The following SDK1 variants were observed in gnomAD, a reference collection of about 807,000 sequenced individuals.
The protein encoded by SDK1 is sidekick cell adhesion molecule 1.
In SDK1, 157 loss-of-function variants were observed where a neutral mutation model predicts 245.5. The observed-to-expected ratio is 0.64, with a 90% CI of 0.56 to 0.73. The LOEUF is 0.73. Among genes scored for constraint, SDK1 ranks in the 30% least tolerant of loss-of-function variants. The pLI, the probability that SDK1 is intolerant of heterozygous loss-of-function variation, is 0.00. For missense variants in SDK1, 3,583 were observed against 3,002.3 expected (o/e 1.19, Z -4.52); for synonymous variants, 1,647 against 1,278.5 (o/e 1.29, Z -6.15).
chr7:3,751,013 A>G (rs1390585718), intron 4 of SDK1, among the ~76,000 whole-genome samples: 1 of 152,098 alleles, frequency 6.6e-6, no homozygotes, highest in Admixed American at 6.5e-5. Context: ...TTTCCTTCCC[A>G]AGAGTGGGCC....
At chr7:4,214,272 G>T (rs911206218) in intron 38 of SDK1, among the ~76,000 whole-genome samples, 1 of 152,228 alleles carries the variant, frequency 6.6e-6, no homozygotes, top group Admixed American at 6.5e-5. Flanking sequence ...GGGGCTTGAG[G>T]AGGATTCACT....
chr7:3,675,625 G>C (rs554247064), intron 4 of SDK1, among the ~76,000 whole-genome samples: 1 of 152,224 alleles, frequency 6.6e-6, no homozygotes, highest in South Asian at 2.1e-4. Context: ...CCAGGCTGGA[G>C]TATAGTAGCA....
At chr7:3,498,408 C>G (rs2128607271) in intron 1 of SDK1, among the ~76,000 whole-genome samples, 1 of 152,224 alleles carries the variant, frequency 6.6e-6, no homozygotes, top group East Asian at 1.9e-4. Flanking sequence ...CTTTTAGAGT[C>G]TTGGTTTTCT....
chr7:3,957,972 T>A (rs1781398645), intron 7 of SDK1: 1 of 470,744 alleles, frequency 2.1e-6, no homozygotes, highest in South Asian at 1.5e-5. Context: ...TCCAGAAACC[T>A]TCAGCCGCTT....
At chr7:4,143,654 G>A (rs903335335) in intron 28 of SDK1, among the ~76,000 whole-genome samples, 4 of 152,318 alleles carry the variant, frequency 2.6e-5, no homozygotes, top group East Asian at 3.9e-4. Context: ...ATGCTTCTGC[G>A]CAGTGGGCCC....
At chr7:3,400,268 T>C (rs1417727258) in intron 1 of SDK1, among the ~76,000 whole-genome samples, 1 of 152,146 alleles carries the variant, frequency 6.6e-6, no homozygotes, top group Non-Finnish European at 1.5e-5. Flanking sequence ...TCAGCAGCTT[T>C]CCTAAGATAA....
intron 44 of SDK1, among the ~76,000 whole-genome samples, chr7:4,259,376 A>G (rs150135715): frequency 0.038 from 5,735 of 152,344 alleles, 140 homozygotes; most frequent in East Asian, 0.12. Context: ...CAGAGGTTAC[A>G]GTGAGCCAAG....
intron 35 of SDK1, among the ~76,000 whole-genome samples, chr7:4,198,221 C>G (rs1039802940): frequency 1.3e-5 from 2 of 152,216 alleles, no homozygotes; most frequent in African/African-American, 4.8e-5. Context: ...GCGCCACCTT[C>G]TGCTAGCGGC....
intron 30 of SDK1, among the ~76,000 whole-genome samples, chr7:4,154,464 T>C (rs1780593828): frequency 6.6e-6 from 1 of 152,028 alleles, no homozygotes; most frequent in African/African-American, 2.4e-5. Context: ...ATTTGGGAGG[T>C]GAGGCATGGG....
chr7:3,736,457 T>C (rs950737835), intron 4 of SDK1, among the ~76,000 whole-genome samples: 2 of 152,108 alleles, frequency 1.3e-5, no homozygotes, highest in African/African-American at 4.8e-5. Flanking sequence ...CTATTTTTAG[T>C]AGAGATGGGT....
At chr7:3,963,698 T>C (rs112228201) in intron 9 of SDK1, among the ~76,000 whole-genome samples, 2 of 113,604 alleles carry the variant, frequency 1.8e-5, no homozygotes, top group South Asian at 3.6e-4. Context: ...ACACCCAGGC[T>C]CACAGCTACC....
intron 1 of SDK1, among the ~76,000 whole-genome samples, chr7:3,574,387 A>G (rs71527450): frequency 0.2 from 30,868 of 151,974 alleles, 3,552 homozygotes; most frequent in South Asian, 0.36. Context: ...AAGTGCTGGG[A>G]TTACAGGCAT....
chr7:4,050,630 A>G (rs1226120140), intron 18 of SDK1, among the ~76,000 whole-genome samples: 5 of 152,196 alleles, frequency 3.3e-5, no homozygotes. Context: ...GGTTGTGGAT[A>G]CAGTCTGTAT....
intron 14 of SDK1, among the ~76,000 whole-genome samples, chr7:3,993,257 G>A (rs918478638): frequency 2.0e-5 from 3 of 152,346 alleles, no homozygotes; most frequent in African/African-American, 7.2e-5. Flanking sequence ...CTGAGCCTCT[G>A]CGTGTTTTCC....
chr7:3,700,925 T>C (rs928688784), intron 4 of SDK1, among the ~76,000 whole-genome samples: 5 of 152,192 alleles, frequency 3.3e-5, no homozygotes, highest in African/African-American at 1.2e-4. Flanking sequence ...CTCTTAGTTT[T>C]TCTTCACTGA....
intron 17 of SDK1, among the ~76,000 whole-genome samples, chr7:4,022,213 A>G (rs1786948903): frequency 6.6e-6 from 1 of 152,226 alleles, no homozygotes; most frequent in African/African-American, 2.4e-5. Flanking sequence ...AATTATTGGA[A>G]TGTCTACAAA....
intron 35 of SDK1, among the ~76,000 whole-genome samples, chr7:4,200,361 G>C (rs1422207189): frequency 6.6e-6 from 1 of 152,236 alleles, no homozygotes; most frequent in Non-Finnish European, 1.5e-5. Context: ...GGATGTATCA[G>C]TCAGCTGTTA....
chr7:3,549,986 A>G (rs1056809438), intron 1 of SDK1, among the ~76,000 whole-genome samples: 5 of 152,184 alleles, frequency 3.3e-5, no homozygotes, highest in African/African-American at 9.7e-5. Flanking sequence ...TCTTAAAAAT[A>G]TATTTTAAGT....
chr7:4,192,332 G>A (rs1043915105), intron 35 of SDK1, among the ~76,000 whole-genome samples: 1 of 152,196 alleles, frequency 6.6e-6, no homozygotes, highest in African/African-American at 2.4e-5. Flanking sequence ...CTGGATAGCA[G>A]TGGCACTATC....
Sources: gnomAD v4.1 joint callset for allele counts (sites outside exome capture counted in the v4.1 genomes callset) on GRCh38, gnomAD v4.1.1 for gene constraint, MANE v1.5 for transcripts, NCBI Gene and HGNC (gene_info 2026-07-23, HGNC 2026-07-21) for gene names.